The following LIN7A variants were observed in gnomAD, a reference collection of about 807,000 sequenced individuals.
The protein encoded by LIN7A is lin-7 cell polarity scaffold A, also known as protein lin-7 homolog A.
A neutral mutation model predicts 29.8 loss-of-function variants in LIN7A; 25 were observed. The observed-to-expected ratio is 0.84, with a 90% confidence interval of 0.61 to 1.17. The LOEUF (loss-of-function observed/expected upper bound fraction) is 1.17, where lower values mean the gene tolerates loss of function less well. Ranked by LOEUF, LIN7A falls within the 50% of genes most tolerant of loss-of-function variation. The probability of loss-of-function intolerance (pLI) is 0.00; values close to 1 mark genes in which losing one functional copy is unlikely to be tolerated. For synonymous variants in LIN7A, 118 were observed against 107.5 expected, an observed-to-expected ratio of 1.10 and a Z score of -0.60; for missense variants, 239 against 287.0, an observed-to-expected ratio of 0.83 and a Z score of 1.21.
At chr12:80,825,798 A>G (rs1334948587) in intron 4 of LIN7A, among the ~76,000 whole-genome samples, 1 of 152,150 alleles carries the variant, frequency 6.6e-6, no homozygotes, top group Non-Finnish European at 1.5e-5. Flanking sequence ...TAGTTTTTCA[A>G]GTGGTGTCAT....
intron 5 of LIN7A, among the ~76,000 whole-genome samples, chr12:80,809,822 G>A (rs1228289274): frequency 1.3e-5 from 2 of 152,128 alleles, no homozygotes; most frequent in Admixed American, 6.5e-5. Flanking sequence ...AAAAAGGCAG[G>A]AGAATCTTAG....
chr12:80,847,454 C>T (rs1270838680), intron 3 of LIN7A, among the ~76,000 whole-genome samples: 2 of 152,060 alleles, frequency 1.3e-5, no homozygotes, highest in Non-Finnish European at 2.9e-5. Flanking sequence ...AGAAACTAAA[C>T]AAGCGTTGAT....
chr12:80,803,432 A>T (rs892028470), intron 5 of LIN7A, among the ~76,000 whole-genome samples: 12 of 152,188 alleles, frequency 7.9e-5, no homozygotes, highest in African/African-American at 2.7e-4. Context: ...AAATCAATTA[A>T]CTGTAAATAT....
intron 4 of LIN7A, among the ~76,000 whole-genome samples, chr12:80,812,781 C>A (rs1025439867): frequency 4.5e-4 from 68 of 152,142 alleles, no homozygotes; most frequent in Non-Finnish European, 3.4e-4. Flanking sequence ...GAACTCCTGA[C>A]CTCAAGCGAT....
Position 80,815,144 on chromosome 12 carries a change from G to A in LIN7A, c.484-3461C>T, listed in dbSNP as rs138182331. On this transcript the variant is annotated intron_variant, in intron 4 of 5. Coordinates refer to ENST00000552864, the MANE Select transcript of LIN7A (RefSeq NM_004664.4). ...TGGCCTTTTTTTCCCCACTAGCTTT[G>A]CCTACTTTGTAAATACTTTTGAGTA... Among the ~76,000 whole-genome samples, 1,043 of 151,940 alleles carry A rather than the reference G, an allele frequency of 6.9e-3. 14 individuals carry two copies. The highest frequency in any genetic ancestry group is 0.024 in the African/African-American group (974 of 41,406).
intron 4 of LIN7A, among the ~76,000 whole-genome samples, chr12:80,817,902 G>A (rs1871607913): frequency 6.6e-6 from 1 of 152,050 alleles, no homozygotes; most frequent in Non-Finnish European, 1.5e-5. Flanking sequence ...ATTTTTGTGT[G>A]ATGCAAAAGG....
intron 4 of LIN7A, among the ~76,000 whole-genome samples, chr12:80,822,718 C>T (rs1034971093): frequency 3.3e-5 from 5 of 152,076 alleles, no homozygotes; most frequent in Non-Finnish European, 7.4e-5. Flanking sequence ...GAAGGAAAGC[C>T]GAGGGGGCCT....
chr12:80,861,661 G>A (rs545488198), intron 2 of LIN7A, among the ~76,000 whole-genome samples: 2 of 152,346 alleles, frequency 1.3e-5, no homozygotes, highest in African/African-American at 2.4e-5. Flanking sequence ...TGATGTCCCA[G>A]GGAGCCACTG....
intron 2 of LIN7A, among the ~76,000 whole-genome samples, chr12:80,871,703 G>A (rs17007531): frequency 0.046 from 6,927 of 151,888 alleles, 296 homozygotes; most frequent in Admixed American, 0.15. Flanking sequence ...TATTTTGCTT[G>A]TAAACTCGTT....
At chr12:80,862,846 T>C (rs1873944182) in intron 2 of LIN7A, among the ~76,000 whole-genome samples, 1 of 152,172 alleles carries the variant, frequency 6.6e-6, no homozygotes, top group Admixed American at 6.5e-5. Context: ...ATACATTAGA[T>C]GACTCAAGTT....
chr12:80,836,870 G>A (rs1382170626), intron 4 of LIN7A, among the ~76,000 whole-genome samples: 1 of 151,844 alleles, frequency 6.6e-6, no homozygotes, highest in Non-Finnish European at 1.5e-5. Context: ...AGTAAAAAAG[G>A]ACTGAAAAAT....
In LIN7A at chr12:80,807,077, T is replaced by TTTTTTG. The variant is rs1555221362; in HGVS notation, c.*4387_*4388insCAAAAA. 3.5e-5 allele frequency among the ~76,000 whole-genome samples: 4 copies of TTTTTTG among 115,538 alleles called. 1 individual carries two copies. The highest frequency in any genetic ancestry group is 1.8e-4 in the Admixed American group (2 of 11,164). The allele number at this position is 115,538 out of a possible 152,430, so 75.8% of individuals were successfully genotyped here. A position where few individuals can be genotyped will look rare whatever the true frequency, so the allele number is the denominator to read the frequency against. On this transcript the variant is annotated intron_variant, in intron 5 of 5. Coordinates refer to ENST00000552864, the MANE Select transcript of LIN7A (RefSeq NM_004664.4). ...ATGAAGATGGAGTTTTTTTTTTTTT[T>TTTTTTG]TTTTTTTTTTTTTTGACGGAGTCTC...
rs760389788 is a variant in LIN7A at position 80,899,765 on chromosome 12, C to CTTTTTTTTTTT, written c.83-10397_83-10396insAAAAAAAAAAA. Among the ~76,000 whole-genome samples, 190 of 110,008 alleles carry CTTTTTTTTTTT rather than the reference C, an allele frequency of 1.7e-3. 31 individuals carry two copies. The highest frequency in any genetic ancestry group is 2.4e-3 in the East Asian group (9 of 3,732). The allele number at this position is 110,008 out of a possible 152,430, so 72.2% of individuals were successfully genotyped here. A position where few individuals can be genotyped will look rare whatever the true frequency, so the allele number is the denominator to read the frequency against. Reference sequence around the variant, plus strand: ...CATTTCCTCTAGGTTTTCTTTTTTTCTTTTCTTTTTTTTTTTTTTTTGAGA... The same window carrying CTTTTTTTTTTT: ...CATTTCCTCTAGGTTTTCTTTTTTTCTTTTTTTTTTTTTTTCTTTTTTTTTTTTTTTTGAGA... On this transcript the variant is annotated intron_variant, in intron 1 of 5. Coordinates refer to ENST00000552864, the MANE Select transcript of LIN7A (RefSeq NM_004664.4).
At chr12:80,902,574 TG>T (rs2120742739) in intron 1 of LIN7A, among the ~76,000 whole-genome samples, 1 of 152,222 alleles carries the variant, frequency 6.6e-6, no homozygotes, top group Non-Finnish European at 1.5e-5. Flanking sequence ...TGAGATCTTT[TG>T]CTTCCTTGGT....
At chr12:80,844,251 C>G (rs1021423974) in intron 4 of LIN7A, among the ~76,000 whole-genome samples, 2 of 151,964 alleles carry the variant, frequency 1.3e-5, no homozygotes, top group African/African-American at 4.8e-5. Flanking sequence ...CAATAAAAAG[C>G]TTATCTCAAA....
Position 80,793,335 on chromosome 12 carries a change from G to T in LIN7A, c.*4392C>A, listed in dbSNP as rs1007149502. ...AATAAATTACTTACCTACCTCACTGGGGTATAACCGTGGTTTATAGATAAA... is the reference window on the plus strand; with the variant it reads ...AATAAATTACTTACCTACCTCACTGTGGTATAACCGTGGTTTATAGATAAA... On this transcript the variant is annotated 3_prime_UTR_variant, in exon 6 of 6. Coordinates refer to ENST00000552864, the MANE Select transcript of LIN7A (RefSeq NM_004664.4). 2.0e-5 allele frequency: 3 copies of T among 152,142 alleles called. No homozygotes were observed. The highest frequency in any genetic ancestry group is 1.3e-4 in the Admixed American group (2 of 15,270). 9.4% of individuals were successfully genotyped at this position (152,142 alleles called of 1,614,324 possible).
At chr12:80,807,077 T>TTTTTTGTTTTTTG (rs1555221362) in intron 5 of LIN7A, among the ~76,000 whole-genome samples, 2 of 115,538 alleles carry the variant, frequency 1.7e-5, no homozygotes, top group Admixed American at 1.8e-4. Flanking sequence ...TTTTTTTTTT[T>TTTTTTGTTTTTTG]TTTTTTTTTT....
intron 4 of LIN7A, among the ~76,000 whole-genome samples, chr12:80,835,010 C>A (rs1391621719): frequency 6.6e-6 from 1 of 152,104 alleles, no homozygotes; most frequent in East Asian, 1.9e-4. Context: ...ATGTTTAAAG[C>A]AATCACTGGT....
At chr12:80,849,885 A>C (rs1412077998) in intron 2 of LIN7A, among the ~76,000 whole-genome samples, 3 of 152,168 alleles carry the variant, frequency 2.0e-5, no homozygotes, top group Non-Finnish European at 2.9e-5. Context: ...CCTCAAGCAG[A>C]GTGAGTCTCT....
Sources: allele counts gnomAD v4.1 joint callset (sites outside exome capture counted in the v4.1 genomes callset), GRCh38; gene constraint gnomAD v4.1.1; transcripts MANE v1.5; gene names NCBI Gene and HGNC (gene_info 2026-07-23, HGNC 2026-07-21).